Variants in CAMK2D observed in about 807,000 individuals in gnomAD.
CAMK2D encodes calcium/calmodulin dependent protein kinase II delta.
CAMK2D carries 37 observed loss-of-function variants against 84.0 expected under a neutral mutation model. The ratio of observed to expected loss-of-function variants is 0.44; its 90% CI spans 0.34 to 0.58. CAMK2D has a LOEUF of 0.58. CAMK2D is among the 20% of genes least tolerant of loss of function. CAMK2D has a pLI of 0.02. For synonymous variants in CAMK2D, 202 were observed against 212.5 expected (o/e 0.95, Z 0.43); for missense variants, 448 against 652.5 (o/e 0.69, Z 3.41).
At chr4:113,566,939 A>G (rs902431623) in intron 4 of CAMK2D, among the ~76,000 whole-genome samples, 4 of 152,060 alleles carry the variant, frequency 2.6e-5, no homozygotes, top group Admixed American at 1.3e-4. Context: ...TCCTTCAACT[A>G]CTACAATGTC....
chr4:113,698,512 A>G (rs181370377), intron 2 of CAMK2D, among the ~76,000 whole-genome samples: 2 of 152,224 alleles, frequency 1.3e-5, no homozygotes, highest in Admixed American at 1.3e-4. Flanking sequence ...ACTCAATAAA[A>G]TGTTAGCTAT....
intron 16 of CAMK2D, among the ~76,000 whole-genome samples, chr4:113,488,380 G>T (rs529521642): frequency 2.0e-5 from 3 of 152,242 alleles, no homozygotes; most frequent in South Asian, 4.2e-4. Flanking sequence ...TATGCTGGAG[G>T]TTGCAATTTT....
intron 16 of CAMK2D, among the ~76,000 whole-genome samples, chr4:113,494,896 C>G (rs150786036): frequency 6.6e-6 from 1 of 152,176 alleles, no homozygotes; most frequent in African/African-American, 2.4e-5. Flanking sequence ...AGGAGTGACC[C>G]GATTTTCCAG....
chr4:113,635,372 A>G (rs753940800), intron 3 of CAMK2D, among the ~76,000 whole-genome samples: 5 of 152,192 alleles, frequency 3.3e-5, no homozygotes, highest in Non-Finnish European at 7.4e-5. Context: ...AAATCCTACA[A>G]TTTGTGTGGG....
intron 3 of CAMK2D, among the ~76,000 whole-genome samples, chr4:113,611,275 GC>G (rs2098999266): frequency 6.6e-6 from 1 of 152,094 alleles, no homozygotes; most frequent in Non-Finnish European, 1.5e-5. Flanking sequence ...AGAAAGCTGG[GC>G]CATGGATGAT....
chr4:113,638,205 AG>A (rs1456333607), intron 3 of CAMK2D, among the ~76,000 whole-genome samples: 4 of 152,202 alleles, frequency 2.6e-5, no homozygotes, highest in Non-Finnish European at 5.9e-5. Flanking sequence ...AGGCTGACTG[AG>A]GTTAAAAACA....
intron 3 of CAMK2D, among the ~76,000 whole-genome samples, chr4:113,626,354 G>C (rs983881150): frequency 3.3e-5 from 5 of 152,076 alleles, no homozygotes; most frequent in Non-Finnish European, 7.4e-5. Context: ...TTTAAAACTA[G>C]GTATCAGAAC....
chr4:113,586,497 G>A (rs1003461886), intron 4 of CAMK2D, among the ~76,000 whole-genome samples: 1 of 152,126 alleles, frequency 6.6e-6, no homozygotes, highest in African/African-American at 2.4e-5. Flanking sequence ...CCTGAAGAAT[G>A]CACTAATTTT....
intron 3 of CAMK2D, among the ~76,000 whole-genome samples, chr4:113,619,696 T>C (rs1012958715): frequency 6.6e-6 from 1 of 152,132 alleles, no homozygotes; most frequent in Non-Finnish European, 1.5e-5. Context: ...CTTTTCAGAG[T>C]ATTCATTTTT....
At chr4:113,483,878 C>T (rs775453073) in intron 16 of CAMK2D, among the ~76,000 whole-genome samples, 3 of 152,022 alleles carry the variant, frequency 2.0e-5, no homozygotes, top group Non-Finnish European at 4.4e-5. Context: ...AAAGAAAATG[C>T]CCAATTTTTA....
At chr4:113,640,134 T>A (rs775804990) in intron 3 of CAMK2D, among the ~76,000 whole-genome samples, 1 of 151,898 alleles carries the variant, frequency 6.6e-6, no homozygotes, top group Non-Finnish European at 1.5e-5. Context: ...CAGGTCTGGG[T>A]GGGAGCTGAG....
At chr4:113,749,284 A>G (rs2099611704) in intron 2 of CAMK2D, among the ~76,000 whole-genome samples, 1 of 127,612 alleles carries the variant, frequency 7.8e-6, no homozygotes, top group Non-Finnish European at 1.6e-5. Context: ...GTGTCTTGCA[A>G]CATATCACAC....
chr4:113,530,948 G>T (rs1378780256), intron 8 of CAMK2D, among the ~76,000 whole-genome samples: 1 of 152,058 alleles, frequency 6.6e-6, no homozygotes, highest in Non-Finnish European at 1.5e-5. Flanking sequence ...GCCATGCATG[G>T]TTGCACGTGC....
intron 18 of CAMK2D, 119 bp downstream of exon 18, chr4:113,460,028 T>C (rs1266637185): frequency 2.9e-6 from 2 of 695,082 alleles, no homozygotes; most frequent in Non-Finnish European, 5.2e-6. Flanking sequence ...ATTGTATGGT[T>C]TCAAATGCTG....
chr4:113,646,048 A>C (rs1427375481), intron 3 of CAMK2D, among the ~76,000 whole-genome samples: 1 of 152,210 alleles, frequency 6.6e-6, no homozygotes, highest in Non-Finnish European at 1.5e-5. Flanking sequence ...GGGAGAAGTC[A>C]ATTGTTTGCT....
chr4:113,735,431 C>T lies in CAMK2D; in HGVS notation c.160+23889G>A, dbSNP rs115866084. On this transcript the variant is annotated intron_variant, in intron 2 of 20. Coordinates refer to ENST00000511664, the MANE Select transcript of CAMK2D (RefSeq NM_001321571.2). ...CAGAGGTTGTGGTGAGCTGAGATTG[C>T]ACCGCTGTACTACAACCTGAGTGAC... Among the ~76,000 whole-genome samples the T allele has an allele frequency of 5.3e-3, 796 of 151,338 alleles. 7 individuals carry two copies. The highest frequency in any genetic ancestry group is 0.018 in the African/African-American group (753 of 41,136).
chr4:113,478,360 T>C (rs2097657075), intron 16 of CAMK2D, among the ~76,000 whole-genome samples: 1 of 152,202 alleles, frequency 6.6e-6, no homozygotes, highest in African/African-American at 2.4e-5. Context: ...TTTACACACA[T>C]CTCAAACAAA....
At chr4:113,494,187 C>T (rs565717613) in intron 16 of CAMK2D, among the ~76,000 whole-genome samples, 3 of 152,266 alleles carry the variant, frequency 2.0e-5, no homozygotes, top group Non-Finnish European at 4.4e-5. Context: ...TGGTGAGGAA[C>T]TGCGTTCCTT....
At chr4:113,486,716 T>TAAC (rs2097768976) in intron 16 of CAMK2D, among the ~76,000 whole-genome samples, 1 of 152,214 alleles carries the variant, frequency 6.6e-6, no homozygotes, top group Non-Finnish European at 1.5e-5. Context: ...TTTTTTAATA[T>TAAC]AACAACAAAG....
Sources: gnomAD v4.1 joint callset for allele counts (sites outside exome capture counted in the v4.1 genomes callset) on GRCh38, gnomAD v4.1.1 for gene constraint, MANE v1.5 for transcripts, NCBI Gene and HGNC (gene_info 2026-07-23, HGNC 2026-07-21) for gene names.